USP9X: variants seen among roughly 807,000 people sequenced by gnomAD.
The protein encoded by USP9X is ubiquitin carboxyl-terminal hydrolase 9X.
A neutral mutation model predicts 190.3 loss-of-function variants in USP9X; 7 were observed. The observed-to-expected ratio is 0.04, with a 90% CI of 0.02 to 0.07. USP9X has a LOEUF of 0.07. Among genes scored for constraint, USP9X ranks in the 10% least tolerant of loss-of-function variants. The pLI is 1.00. For missense variants in USP9X, 1,010 were observed against 1,916.9 expected (o/e 0.53, Z 8.83); for synonymous variants, 645 against 659.5 (o/e 0.98, Z 0.34).
intron 1 of USP9X, among the ~76,000 whole-genome samples, chrX:41,093,240 T>G (rs1471355255): frequency 8.9e-6 from 1 of 112,226 alleles, no homozygotes; most frequent in African/African-American, 3.2e-5. Flanking sequence ...TTCTGTACAT[T>G]AGCTGATGAA....
chrX:41,123,627 G>C lies in USP9X; in HGVS notation c.-2G>C. 8.3e-7 allele frequency: 1 copy of C among 1,210,707 alleles called. No individual in the cohort carries two copies. The highest frequency in any genetic ancestry group is 1.8e-5 in the South Asian group (1 of 56,849). On this transcript the variant is annotated 5_prime_UTR_variant, in exon 2 of 45. Transcript: ENST00000378308. ...ATTGCAAAGATCTGCCCTGTGTCGA[G>C]TATGACAGCCACGACTCGTGGCTCT... is the stretch of plus-strand genomic sequence containing the variant.
At chrX:41,200,950 A>G (rs1245392849) in intron 30 of USP9X, 110 bp from the exon 31 acceptor site, 29 of 767,285 alleles carry the variant, frequency 3.8e-5, no homozygotes, top group Non-Finnish European at 5.6e-5. Flanking sequence ...CTGTAGGGTT[A>G]GTCGAATTAT....
intron 1 of USP9X, among the ~76,000 whole-genome samples, chrX:41,101,001 T>C (rs1022660669): frequency 9.0e-6 from 1 of 111,660 alleles, no homozygotes; most frequent in African/African-American, 3.3e-5. Flanking sequence ...ATATGTGATA[T>C]TCTATCAAAA....
Position 41,136,855 on chromosome X carries a change from T to C in USP9X, c.487T>C (p.Leu163=), listed in dbSNP as rs753779853. 1 of 1,210,071 alleles carries C rather than the reference T, an allele frequency of 8.3e-7. No individual in the cohort carries two copies. The highest frequency in any genetic ancestry group is 3.0e-5 in the East Asian group (1 of 33,749). ...TCTGGTGGAGCTATGTGTGGCCAAG[T>C]TGTCCCAAGACTGGTTTCCACTTTT... is the stretch of plus-strand genomic sequence containing the variant. ...HRLVELCVAK[L]SQDWFPLLEL... Residue 163 remains leucine (L), a synonymous_variant, in exon 6 of 45, where the codon TTG becomes CTG. Coordinates refer to ENST00000378308, the MANE Select transcript of USP9X (RefSeq NM_001039591.3).
chrX:41,104,787 A>G (rs1039760676), intron 1 of USP9X, among the ~76,000 whole-genome samples: 7 of 110,892 alleles, frequency 6.3e-5, no homozygotes, highest in African/African-American at 2.3e-4. Context: ...AGCCATCTTG[A>G]GAGAGAAAAA....
At chrX:41,117,574 TTC>T (rs2062158585) in intron 1 of USP9X, among the ~76,000 whole-genome samples, 1 of 83,464 alleles carries the variant, frequency 1.2e-5, no homozygotes, top group African/African-American at 5.1e-5. Context: ...TTTTTTTTTC[TTC>T]TTCTTTTTTT....
intron 26 of USP9X, 51 bp from the exon 27 acceptor site, chrX:41,196,200 A>AT: frequency 8.5e-7 from 1 of 1,182,111 alleles, no homozygotes; most frequent in East Asian, 3.0e-5. Flanking sequence ...TGTTACAATC[A>AT]TTTTTTAAAA....
rs1413466694 is a variant in USP9X, at chrX:41,177,190, TATC to T, written c.3148+5236_3148+5238del. Among the ~76,000 whole-genome samples, 5 of 112,545 alleles carry T rather than the reference TATC, an allele frequency of 4.4e-5. No homozygotes were observed. In the South Asian group the frequency reaches 1.1e-3, roughly 24 times the overall value. On this transcript the variant is annotated intron_variant, in intron 21 of 44. Transcript: ENST00000378308. ...AAAAAAAATTTAGCATATACAGTAA[TATC>T]ATCTAATCTGCAGACCATTTTCATA...
chrX:41,192,012 A>G (rs2062940955), intron 26 of USP9X, among the ~76,000 whole-genome samples: 1 of 111,063 alleles, frequency 9.0e-6, no homozygotes, highest in African/African-American at 3.3e-5. Context: ...CTCATGGTCT[A>G]CCCTGATCTA....
chrX:41,096,847 G>A lies in USP9X; in HGVS notation c.-159+10738G>A, dbSNP rs771080118. On this transcript the variant is annotated intron_variant, in intron 1 of 44. Coordinates refer to ENST00000378308, the MANE Select transcript of USP9X (RefSeq NM_001039591.3). ...AACCAAGATGTTGGGCAAGAGGTGAGTTAAACTACTACTTTTTTAAGTTCT... is the reference window on the plus strand; with the variant it reads ...AACCAAGATGTTGGGCAAGAGGTGAATTAAACTACTACTTTTTTAAGTTCT... Among the ~76,000 whole-genome samples, 6 of 112,322 alleles carry A rather than the reference G, an allele frequency of 5.3e-5. No homozygotes were observed. The South Asian group carries it at 2.2e-3, about 40-fold the overall frequency.
At chrX:41,148,051 T>C (rs2147067304) in intron 11 of USP9X, among the ~76,000 whole-genome samples, 1 of 111,568 alleles carries the variant, frequency 9.0e-6, no homozygotes, top group South Asian at 3.8e-4. Context: ...CTAAATGCCA[T>C]TAGTACCCTG....
rs923813578 is a variant in USP9X, at chrX:41,125,356, T to C, written c.96+1632T>C. On this transcript the variant is annotated intron_variant, in intron 2 of 44. Coordinates refer to ENST00000378308, the MANE Select transcript of USP9X (RefSeq NM_001039591.3). ...TCCCAAAATGCTGGGATTACAGACA[T>C]GAGCCACGGTACCCGGCCGATCCAT... 8.7e-5 allele frequency among the ~76,000 whole-genome samples: 9 copies of C among 102,984 alleles called. No homozygotes were observed. The East Asian group carries it at 2.8e-3, about 32-fold the overall frequency. 89.4% of individuals were successfully genotyped at this position (102,984 alleles called of 115,157 possible). A position where few individuals can be genotyped will look rare whatever the true frequency, so the allele number is the denominator to read the frequency against.
chrX:41,134,405 T>C (rs193093833), intron 4 of USP9X, among the ~76,000 whole-genome samples: 1 of 112,393 alleles, frequency 8.9e-6, no homozygotes, highest in Admixed American at 9.4e-5. Context: ...AAATGAATGA[T>C]TTATGAACAA....
At chrX:41,185,883 A>G (rs912486304) in intron 23 of USP9X, among the ~76,000 whole-genome samples, 3 of 110,986 alleles carry the variant, frequency 2.7e-5, no homozygotes, top group African/African-American at 9.8e-5. Flanking sequence ...AGGGAGCCCA[A>G]TGCAAACTTA....
At chrX:41,222,097 G>GA (rs2063268648) in intron 38 of USP9X, among the ~76,000 whole-genome samples, 1 of 111,757 alleles carries the variant, frequency 8.9e-6, no homozygotes, top group African/African-American at 3.3e-5. Context: ...GATTGAGTTT[G>GA]AGCCTGTGTG....
At chrX:41,220,151 T>G (rs2063248037) in intron 38 of USP9X, among the ~76,000 whole-genome samples, 1 of 112,359 alleles carries the variant, frequency 8.9e-6, no homozygotes, top group Non-Finnish European at 1.9e-5. Flanking sequence ...TTAGTTTGTC[T>G]TCTTTTCCCT....
intron 2 of USP9X, among the ~76,000 whole-genome samples, chrX:41,125,684 A>ACAGACACACACTCT: frequency 5.3e-5 from 1 of 19,025 alleles, no homozygotes; most frequent in East Asian, 1.9e-3. Context: ...ACACACACAC[A>ACAGACACACACTCT]CTCTCTCTCT....
At position 41,124,756 on chromosome X, in the gene USP9X, A is replaced by G. The variant is rs747262169; in HGVS notation, c.96+1032A>G. On this transcript the variant is annotated intron_variant, in intron 2 of 44. Transcript: ENST00000378308. Reference sequence around the variant, plus strand: ...CCCAAGTCATGTTGCCTAGCGTTCAAATTTCAGCTTTGTACCATACTTGCG... The same window carrying G: ...CCCAAGTCATGTTGCCTAGCGTTCAGATTTCAGCTTTGTACCATACTTGCG... Among the ~76,000 whole-genome samples the G allele has an allele frequency of 6.4e-4, 72 of 111,895 alleles. 1 individual carries two copies. The highest frequency in any genetic ancestry group is 1.3e-3 in the Non-Finnish European group (70 of 53,175).
intron 32 of USP9X, 131 bp downstream of exon 32, chrX:41,205,624 A>T: frequency 5.5e-6 from 3 of 544,007 alleles, no homozygotes; most frequent in Non-Finnish European, 7.7e-6. Flanking sequence ...ACTGTCCTTA[A>T]TTGGGTGGGT....
Sources: gnomAD v4.1 joint callset for allele counts (sites outside exome capture counted in the v4.1 genomes callset) on GRCh38, gnomAD v4.1.1 for gene constraint, MANE v1.5 for transcripts, NCBI Gene and HGNC (gene_info 2026-07-23, HGNC 2026-07-21) for gene names.